The following LIMS1 variants were observed in gnomAD, a reference collection of about 807,000 sequenced individuals.
LIMS1 encodes the protein LIM zinc finger domain containing 1.
A neutral mutation model predicts 44.1 loss-of-function variants in LIMS1; 18 were observed. The ratio of observed to expected loss-of-function variants is 0.41; its 90% CI spans 0.28 to 0.61. The LOEUF is 0.61. LIMS1 is among the 20% of genes least tolerant of loss of function. LIMS1 has a pLI of 0.32. For missense variants in LIMS1, 201 were observed against 422.0 expected, an observed-to-expected ratio of 0.48 and a Z score of 4.59; for synonymous variants, 93 against 149.1, an observed-to-expected ratio of 0.62 and a Z score of 2.74.
exon 10 of LIMS1, chr2:108,683,989 G>A (rs748854260): frequency 1.9e-6 from 3 of 1,539,364 alleles, no homozygotes; most frequent in Admixed American, 3.7e-5. Context: ...GAGACCTTAG[G>A]AAGGAAATAA....
intron 1 of LIMS1, among the ~76,000 whole-genome samples, chr2:108,656,397 A>C (rs1308664619): frequency 2.6e-5 from 4 of 152,214 alleles, no homozygotes; most frequent in South Asian, 2.1e-4. Context: ...TTTTTACTGA[A>C]AATCTTTTTC....
At chr2:108,656,317 CTATA>C (rs67200458) in intron 1 of LIMS1, among the ~76,000 whole-genome samples, 47,285 of 139,320 alleles carry the variant, frequency 0.34, 8,277 homozygotes, top group East Asian at 0.83. Context: ...ATCTATCTAT[CTATA>C]GATAGATAGA....
At chr2:108,617,890 G>T (rs1688015792) in intron 1 of LIMS1, among the ~76,000 whole-genome samples, 1 of 152,192 alleles carries the variant, frequency 6.6e-6, no homozygotes, top group Admixed American at 6.5e-5. Flanking sequence ...GATTCAAGGA[G>T]AACCCAGCAG....
At chr2:108,549,437 G>A (rs1309291787) in intron 1 of LIMS1, among the ~76,000 whole-genome samples, 1 of 151,714 alleles carries the variant, frequency 6.6e-6, no homozygotes, top group Non-Finnish European at 1.5e-5. Context: ...TGGGACTACA[G>A]GCGTGTACCA....
At chr2:108,566,782 A>G (rs1411008051) in intron 1 of LIMS1, among the ~76,000 whole-genome samples, 1 of 152,106 alleles carries the variant, frequency 6.6e-6, no homozygotes, top group Non-Finnish European at 1.5e-5. Context: ...TTTTTAGTAG[A>G]GATGGGGTTT....
intron 1 of LIMS1, among the ~76,000 whole-genome samples, chr2:108,565,749 G>A (rs902151715): frequency 3.3e-5 from 5 of 152,046 alleles, no homozygotes; most frequent in African/African-American, 1.2e-4. Context: ...CACAGTTTTC[G>A]AGGCTGGGAA....
At chr2:108,592,052 C>G (rs908576714) in intron 1 of LIMS1, among the ~76,000 whole-genome samples, 1 of 152,156 alleles carries the variant, frequency 6.6e-6, no homozygotes, top group Admixed American at 6.5e-5. Flanking sequence ...GCCTCGGCCT[C>G]CCAAAGTGCT....
At chr2:108,661,527 A>C (rs1573583259) in intron 2 of LIMS1, among the ~76,000 whole-genome samples, 1 of 152,072 alleles carries the variant, frequency 6.6e-6, no homozygotes, top group East Asian at 1.9e-4. Context: ...GTACCACAGC[A>C]GAAGAGGGCA....
Position 108,678,240 on chromosome 2 carries a change from C to A in LIMS1, c.823+213C>A, listed in dbSNP as rs188577169. ...TACTGATTTATGACACTACTTTCGG[C>A]CACTGCTGCAGTGTTGTATGCCAGC... On this transcript the variant is annotated intron_variant, in intron 8 of 9. Coordinates refer to ENST00000544547, the Ensembl canonical transcript of LIMS1. 3.9e-5 allele frequency among the ~76,000 whole-genome samples: 6 copies of A among 152,332 alleles called. No homozygotes were observed. In the East Asian group the frequency reaches 9.6e-4, roughly 24 times the overall value.
chr2:108,683,805 C>A, intron 9 of LIMS1, 80 bp from the exon 10 acceptor site: 1 of 700,960 alleles, frequency 1.4e-6, no homozygotes, highest in South Asian at 2.1e-5. Context: ...TAGTTCAGTA[C>A]AATTACTGCA....
chr2:108,599,732 G>A (rs1686900767), intron 1 of LIMS1, among the ~76,000 whole-genome samples: 1 of 152,092 alleles, frequency 6.6e-6, no homozygotes, highest in African/African-American at 2.4e-5. Flanking sequence ...ACTGGGGCGA[G>A]ATGAGATCTC....
At position 108,612,051 on chromosome 2, in the gene LIMS1, CACATATATATATATATAT is replaced by C. The variant is rs1241899350; in HGVS notation, c.33-47541_33-47524del. ...ATATACACACACACACACACACACA[CACATATATATATATATAT>C]ACATATATATATGCCCTAAGAGTGA... On this transcript the variant is annotated intron_variant, in intron 1 of 9. Coordinates refer to ENST00000544547, the Ensembl canonical transcript of LIMS1. 2.2e-3 allele frequency among the ~76,000 whole-genome samples: 207 copies of C among 95,298 alleles called. 3 individuals carry two copies. In the South Asian group the frequency reaches 0.036, roughly 17 times the overall value. 62.5% of individuals were successfully genotyped at this position (95,298 alleles called of 152,430 possible). A position where few individuals can be genotyped will look rare whatever the true frequency, so the allele number is the denominator to read the frequency against.
chr2:108,555,584 G>T (rs1021670941), intron 1 of LIMS1, among the ~76,000 whole-genome samples: 13 of 152,256 alleles, frequency 8.5e-5, no homozygotes, highest in African/African-American at 3.1e-4. Flanking sequence ...TGGTCCTCTT[G>T]TGAAAGGCCT....
Position 108,546,192 on chromosome 2 carries a change from A to G in LIMS1, c.32+11598A>G, listed in dbSNP as rs577916709. ...TCACTTTTGGATGCTTTAGGTTTAC[A>G]GAGTACTAAATTAGGGTTGAGGTGT... On this transcript the variant is annotated intron_variant, in intron 1 of 9. Coordinates refer to ENST00000544547, the Ensembl canonical transcript of LIMS1. Among the ~76,000 whole-genome samples the G allele has an allele frequency of 1.3e-4, 19 of 151,498 alleles. No individual in the cohort carries two copies. The South Asian group carries it at 3.8e-3, about 30-fold the overall frequency.
rs1484765602 is a variant in LIMS1 at position 108,671,156 on chromosome 2, A to C, written c.259+309A>C. ...ACTTCACTCCAGCCTGGGCAACAGC[A>C]AAACTCCATCTTGCGGGGAAAAAAA... On this transcript the variant is annotated intron_variant, in intron 3 of 9. Coordinates refer to ENST00000544547, the Ensembl canonical transcript of LIMS1. 6.6e-4 allele frequency among the ~76,000 whole-genome samples: 101 copies of C among 151,922 alleles called. No homozygotes were observed. The South Asian group carries it at 6.7e-3, about 10-fold the overall frequency.
At chr2:108,670,334 A>C (rs189465868) in intron 2 of LIMS1, among the ~76,000 whole-genome samples, 1,783 of 149,938 alleles carry the variant, frequency 0.012, 42 homozygotes, top group African/African-American at 0.042. Context: ...AAATAATAAA[A>C]TACAATGTGC....
chr2:108,684,690 A>G (rs1693216824), exon 10 of LIMS1: 1 of 152,118 alleles, frequency 6.6e-6, no homozygotes, highest in Non-Finnish European at 1.5e-5. Context: ...TTGTGCAAAA[A>G]AAAATTTATA....
intron 2 of LIMS1, among the ~76,000 whole-genome samples, chr2:108,665,585 G>A (rs1363402044): frequency 6.6e-6 from 1 of 152,000 alleles, no homozygotes; most frequent in East Asian, 1.9e-4. Flanking sequence ...GGAGTGCAGT[G>A]GTGTGATCTT....
chr2:108,578,034 C>T (rs1209413511), intron 1 of LIMS1, among the ~76,000 whole-genome samples: 4 of 152,142 alleles, frequency 2.6e-5, no homozygotes, highest in East Asian at 3.9e-4. Context: ...CTCAGCCTCC[C>T]GAGTAGCTGG....
Sources: gnomAD v4.1 joint callset for allele counts (sites outside exome capture counted in the v4.1 genomes callset) on GRCh38, gnomAD v4.1.1 for gene constraint, MANE v1.5 for transcripts, NCBI Gene and HGNC (gene_info 2026-07-23, HGNC 2026-07-21) for gene names.